LYG1: variants seen among roughly 807,000 people sequenced by gnomAD.
LYG1 encodes lysozyme g-like protein 1.
Under a neutral mutation model 21.7 loss-of-function variants are expected in LYG1, and 17 were observed. That is an observed-to-expected ratio of 0.78 (90% CI 0.54 to 1.18). The LOEUF (loss-of-function observed/expected upper bound fraction) is 1.18, where lower values mean the gene tolerates loss of function less well. Ranked by LOEUF, LYG1 falls within the 50% of genes most tolerant of loss-of-function variation. The pLI, the probability that LYG1 is intolerant of heterozygous loss-of-function variation, is 0.00. For missense variants in LYG1, 211 were observed against 238.1 expected (o/e 0.89, Z 0.75); for synonymous variants, 81 against 87.4 (o/e 0.93, Z 0.41).
intron 5 of LYG1, among the ~76,000 whole-genome samples, chr2:99,287,099 G>T (rs2094102486): frequency 6.6e-6 from 1 of 152,192 alleles, no homozygotes; most frequent in Admixed American, 6.5e-5. Flanking sequence ...TGGTTGCCAG[G>T]GGCTGATGGG....
chr2:99,289,975 C>T (rs535339180), intron 5 of LYG1, among the ~76,000 whole-genome samples: 1 of 152,252 alleles, frequency 6.6e-6, no homozygotes, highest in African/African-American at 2.4e-5. Context: ...CCTCTCACCT[C>T]AGCCTCCCAA....
chr2:99,296,164 C>T (rs577391324), intron 2 of LYG1, among the ~76,000 whole-genome samples: 3 of 152,294 alleles, frequency 2.0e-5, no homozygotes, highest in South Asian at 4.1e-4. Context: ...GGAAAGACCA[C>T]GCTTTCCTCA....
chr2:99,301,787 C>A (rs565150420), upstream of LYG1, among the ~76,000 whole-genome samples: 30 of 151,026 alleles, frequency 2.0e-4, 1 homozygote, highest in South Asian at 5.9e-3. Flanking sequence ...CTGTTCTGAA[C>A]CACCGAGAGA....
intron 2 of LYG1, 64 bp from the exon 3 acceptor site, chr2:99,295,766 T>C: frequency 6.8e-6 from 10 of 1,465,232 alleles, no homozygotes; most frequent in Non-Finnish European, 8.6e-6. Flanking sequence ...CCACATGTAA[T>C]ATTTCCACAG....
intron 5 of LYG1, 69 bp from the exon 6 acceptor site, chr2:99,284,889 A>T: frequency 6.4e-7 from 1 of 1,569,066 alleles, no homozygotes; most frequent in Non-Finnish European, 8.7e-7. Context: ...TACTGGGCTC[A>T]ATGGCGCTTG....
intron 3 of LYG1, among the ~76,000 whole-genome samples, chr2:99,292,949 A>AGAGGATTT (rs1246009951): frequency 6.8e-6 from 1 of 146,096 alleles, no homozygotes; most frequent in Middle Eastern, 3.3e-3. Flanking sequence ...AACACAAAGG[A>AGAGGATTT]GAGGATTTGT....
At chr2:99,292,743 A>G in intron 3 of LYG1, 103 bp from the exon 4 acceptor site, 1 of 719,852 alleles carries the variant, frequency 1.4e-6, no homozygotes, top group Non-Finnish European at 2.4e-6. Context: ...AATAAAATCC[A>G]TTACATCACC....
chr2:99,298,863 T>C (rs1574890473), intron 1 of LYG1, among the ~76,000 whole-genome samples: 1 of 152,190 alleles, frequency 6.6e-6, no homozygotes, highest in Non-Finnish European at 1.5e-5. Context: ...ACCTACTCAT[T>C]GTGTGCCAAC....
chr2:99,292,094 C>T (rs1051930175), intron 4 of LYG1, among the ~76,000 whole-genome samples: 2 of 152,080 alleles, frequency 1.3e-5, no homozygotes, highest in Non-Finnish European at 2.9e-5. Context: ...CGAGACCAGC[C>T]TGACCAACAT....
intron 3 of LYG1, 92 bp downstream of exon 3, chr2:99,295,536 T>C (rs2094133794): frequency 9.6e-6 from 14 of 1,451,620 alleles, no homozygotes; most frequent in African/African-American, 1.4e-5. Flanking sequence ...ATAATCTTTT[T>C]TGTTGCATTT....
chr2:99,284,872 T>C, intron 5 of LYG1, 52 bp from the exon 6 acceptor site: 1 of 1,602,336 alleles, frequency 6.2e-7, no homozygotes, highest in Non-Finnish European at 8.5e-7. Context: ...GGGAGGGTGA[T>C]CCGGCTTACT....
chr2:99,299,685 A>G (rs1463779719), intron 1 of LYG1, among the ~76,000 whole-genome samples: 1 of 152,110 alleles, frequency 6.6e-6, no homozygotes, highest in Non-Finnish European at 1.5e-5. Flanking sequence ...TCAGCCTCCC[A>G]AAGTGCTGGG....
intron 5 of LYG1, among the ~76,000 whole-genome samples, chr2:99,287,215 C>T (rs1468402170): frequency 6.6e-6 from 1 of 152,164 alleles, no homozygotes; most frequent in Non-Finnish European, 1.5e-5. Context: ...TAATTAACAA[C>T]ACTGTATTGT....
chr2:99,287,707 ATGTG>A (rs375539460), intron 5 of LYG1, among the ~76,000 whole-genome samples: 1 of 151,178 alleles, frequency 6.6e-6, no homozygotes, highest in African/African-American at 2.4e-5. Context: ...AGTGTTGTGT[ATGTG>A]TGTGTGTGTG....
chr2:99,303,900 G>A (rs1292455776), upstream of LYG1, among the ~76,000 whole-genome samples: 9 of 151,548 alleles, frequency 5.9e-5, no homozygotes, highest in South Asian at 4.2e-4. Flanking sequence ...GGCCGGGCAC[G>A]GTGGCTCACG....
intron 5 of LYG1, among the ~76,000 whole-genome samples, chr2:99,289,967 T>A (rs1385845608): frequency 6.6e-6 from 1 of 152,018 alleles, no homozygotes; most frequent in Non-Finnish European, 1.5e-5. Flanking sequence ...CAAGCAATCC[T>A]CTCACCTCAG....
chr2:99,285,380 T>TAA (rs199643971), intron 5 of LYG1, among the ~76,000 whole-genome samples: 6 of 137,360 alleles, frequency 4.4e-5, no homozygotes, highest in African/African-American at 1.1e-4. Flanking sequence ...GACCCTGTCT[T>TAA]AAAAAAAAAA....
At chr2:99,292,437 G>T in intron 4 of LYG1, 99 bp downstream of exon 4, 1 of 864,684 alleles carries the variant, frequency 1.2e-6, no homozygotes, top group Non-Finnish European at 1.9e-6. Context: ...AGAGCTTTGG[G>T]ACCCCATACC....
chr2:99,284,581 C>A, intron 6 of LYG1, 70 bp from the exon 7 acceptor site: 1 of 1,593,180 alleles, frequency 6.3e-7, no homozygotes, highest in South Asian at 1.1e-5. Context: ...TCTTTACTAA[C>A]TACCTAACAG....
Sources: allele counts gnomAD v4.1 joint callset (sites outside exome capture counted in the v4.1 genomes callset), GRCh38; gene constraint gnomAD v4.1.1; transcripts MANE v1.5; gene names NCBI Gene and HGNC (gene_info 2026-07-23, HGNC 2026-07-21).